The following ZNF646 variants were observed in gnomAD, a reference collection of about 807,000 sequenced individuals.
The protein encoded by ZNF646 is zinc finger protein 646.
Under a neutral mutation model 115.4 loss-of-function variants are expected in ZNF646, and 49 were observed. That is an observed-to-expected ratio of 0.42 (90% CI 0.34 to 0.54). The LOEUF is 0.54. Among genes scored for constraint, ZNF646 ranks in the 20% least tolerant of loss-of-function variants. ZNF646 has a pLI of 0.04. For synonymous variants in ZNF646, 933 were observed against 939.0 expected (o/e 0.99, Z 0.12); for missense variants, 2,269 against 2,457.9 (o/e 0.92, Z 1.62).
At position 31,077,308 on chromosome 16, in the gene ZNF646, A is replaced by G; in HGVS notation, c.984A>G (p.Lys328=). The G allele has an allele frequency of 6.2e-7, 1 of 1,613,712 alleles. No individual in the cohort carries two copies. The highest frequency in any genetic ancestry group is 8.5e-7 in the Non-Finnish European group (1 of 1,179,878). ...GGCAGGAGCCACGCTGGGAGGAGAAAGGGATGCCCACCACCAATGGGCACA... is the reference window on the plus strand; with the variant it reads ...GGCAGGAGCCACGCTGGGAGGAGAAGGGGATGCCCACCACCAATGGGCACA... ...GERQEPRWEE[K]GMPTTNGHTD... is the part of the protein sequence containing the mutation. Residue 328 remains lysine, a synonymous_variant, in exon 2 of 3, where the codon AAA becomes AAG. Coordinates refer to ENST00000300850, the MANE Select transcript of ZNF646 (RefSeq NM_014699.4).
Position 31,080,112 on chromosome 16 carries a change from G to A in ZNF646, c.3788G>A (p.Cys1263Tyr). ...CCCCGACGTTTCCGCTGCAGCGAGTGTGGGAAGGCCTTCCGCCTGCGGAAA... is the reference window on the plus strand; with the variant it reads ...CCCCGACGTTTCCGCTGCAGCGAGTATGGGAAGGCCTTCCGCCTGCGGAAA... ...ADPRRFRCSE[C>Y]GKAFRLRKQL... Residue 1263 changes from cysteine (C) to tyrosine (Y), a missense_variant, in exon 2 of 3, where the codon TGT becomes TAT. Transcript: ENST00000300850. The A allele has an allele frequency of 1.2e-6, 2 of 1,613,152 alleles. No homozygotes were observed. The highest frequency in any genetic ancestry group is 1.1e-5 in the South Asian group (1 of 91,070).
At chr16:31,082,585 G>A in intron 2 of ZNF646, 1 of 246,268 alleles carries the variant, frequency 4.1e-6, no homozygotes, top group East Asian at 1.4e-4. Context: ...GCCAGGGAGT[G>A]GGGCGGCCGG....
chr16:31,076,758 A>C lies in ZNF646; in HGVS notation c.434A>C (p.Glu145Ala), dbSNP rs765212681. ...EGWENQTKHT[E>A]ETPDCESVPD... ...TGGGAAAACCAGACAAAACATACAG[A>C]AGAGACACCTGACTGTGAATCTGTA... Residue 145 changes from glutamate to alanine, a missense_variant, in exon 2 of 3, where the codon GAA becomes GCA. Physicochemically the swap from Glu to Ala is moderately radical, Grantham distance 107. This residue lies in a region of ZNF646 where 334 missense variants were observed against 323.5 expected (regional missense o/e 1.03). Coordinates refer to ENST00000300850, the MANE Select transcript of ZNF646 (RefSeq NM_014699.4). 6.2e-7 allele frequency: 1 copy of C among 1,613,706 alleles called. No individual in the cohort carries two copies. The highest frequency in any genetic ancestry group is 8.5e-7 in the Non-Finnish European group (1 of 1,180,036).
chr16:31,077,542 T>C lies in ZNF646; in HGVS notation c.1218T>C (p.Cys406=). 3 of 1,613,426 alleles carry C rather than the reference T, an allele frequency of 1.9e-6. No individual in the cohort carries two copies. Among genetic ancestry groups the C allele is most frequent in the Non-Finnish European group, 2.5e-6 (3 of 1,179,756 alleles). Residue 406 remains cysteine (C), a synonymous_variant, in exon 2 of 3, where the codon TGT becomes TGC. Coordinates refer to ENST00000300850, the MANE Select transcript of ZNF646 (RefSeq NM_014699.4). The part of the protein sequence containing the change: ...HQTGVYPCSL[C]SKQLFNAAAL... The stretch of plus-strand genomic sequence containing the variant: ...CAGGTGTCTACCCCTGCTCACTCTG[T>C]TCTAAGCAGCTGTTCAATGCGGCTG...
At position 31,083,633 on chromosome 16, in the gene ZNF646, G is replaced by A. The variant is rs2057194341; in HGVS notation, c.*541G>A. On this transcript the variant is annotated 3_prime_UTR_variant, in exon 3 of 3. Coordinates refer to ENST00000300850, the MANE Select transcript of ZNF646 (RefSeq NM_014699.4). ...CCCCTGTCCTGCAGGGTGGGGAGTG[G>A]GCACCTGTGGCCCCAGGCAGGTTCC... 2 of 1,516,314 alleles carry A rather than the reference G, an allele frequency of 1.3e-6. No individual in the cohort carries two copies. The highest frequency in any genetic ancestry group is 1.8e-6 in the Non-Finnish European group (2 of 1,128,164). The allele number at this position is 1,516,314 out of a possible 1,614,324, so 93.9% of individuals were successfully genotyped here.
Position 31,079,000 on chromosome 16 carries a change from G to A in ZNF646, c.2676G>A (p.Gly892=), listed in dbSNP as rs1240339942. Residue 892 remains glycine, a synonymous_variant, in exon 2 of 3, where the codon GGG becomes GGA. Transcript: ENST00000300850. Reference sequence around the variant, plus strand: ...GCCTCTGTGGCATGATCTTCCCTGGGCGGGCTGGCTACAGGCTTCACCGGC... The same window carrying A: ...GCCTCTGTGGCATGATCTTCCCTGGACGGGCTGGCTACAGGCTTCACCGGC... ...LCCLCGMIFP[G]RAGYRLHRRQ... 5 of 1,599,388 alleles carry A rather than the reference G, an allele frequency of 3.1e-6. No homozygotes were observed. Among genetic ancestry groups the A allele is most frequent in the East Asian group, 2.2e-5 (1 of 44,616 alleles).
rs1278626219 is a variant in ZNF646 at position 31,078,204 on chromosome 16, G to A, written c.1880G>A (p.Arg627His). 7 of 1,614,076 alleles carry A rather than the reference G, an allele frequency of 4.3e-6. No individual in the cohort carries two copies. Among genetic ancestry groups the A allele is most frequent in the Non-Finnish European group, 5.9e-6 (7 of 1,180,050 alleles). The change falls in exon 2 of 3, where the codon CGC becomes CAC. Residue 627 changes from arginine to histidine, a missense_variant. Arg to His is a conservative substitution (Grantham distance 29). Transcript: ENST00000300850. Reference sequence around the variant, plus strand: ...TGCCGAGACTGTGGAAAGAGCTATCGCCACTCAGGCAGCCTTATCAACCAC... The same window carrying A: ...TGCCGAGACTGTGGAAAGAGCTATCACCACTCAGGCAGCCTTATCAACCAC... The part of the protein sequence containing the change: ...FACRDCGKSY[R>H]HSGSLINHRQ...
Position 31,077,124 on chromosome 16 carries a change from CCT to C in ZNF646, c.801_802del (p.Ala269HisfsTer8). ...CAGAGCCACACGCTGGGCATCTACCCCTGTGCCATCTGTTTCAAGGAGTTCTC... is the reference window on the plus strand; with the variant it reads ...CAGAGCCACACGCTGGGCATCTACCCGTGCCATCTGTTTCAAGGAGTTCTC... On this transcript the variant is annotated frameshift_variant, in exon 2 of 3. Coordinates refer to ENST00000300850, the MANE Select transcript of ZNF646 (RefSeq NM_014699.4). LOFTEE classifies it high-confidence loss of function. 1 of 1,614,196 alleles carries C rather than the reference CCT, an allele frequency of 6.2e-7. No individual in the cohort carries two copies. Among genetic ancestry groups the C allele is most frequent in the Non-Finnish European group, 8.5e-7 (1 of 1,180,040 alleles).
At chr16:31,081,881 G>A (rs942161053) in intron 2 of ZNF646, 180 bp downstream of exon 2, 52 of 1,079,692 alleles carry the variant, frequency 4.8e-5, no homozygotes, top group Non-Finnish European at 6.1e-5. Flanking sequence ...CTGAGCACCC[G>A]CAAGTCAGGT....
In ZNF646 at chr16:31,078,327, G is replaced by A. The variant is rs764412425; in HGVS notation, c.2003G>A (p.Arg668Gln). Reference protein sequence around the residue: ...AMKNHLRRHSRRRSRRHRKRA... With the variant: ...AMKNHLRRHSQRRSRRHRKRA... The stretch of plus-strand genomic sequence containing the variant: ...AAGAACCACTTGCGCCGGCACAGTC[G>A]GCGGCGGAGCAGGCGGCATCGGAAG... Residue 668 changes from arginine to glutamine, a missense_variant, in exon 2 of 3, where the codon CGG becomes CAG. Transcript: ENST00000300850. 74 of 1,613,496 alleles carry A rather than the reference G, an allele frequency of 4.6e-5. No homozygotes were observed. The highest frequency in any genetic ancestry group is 4.6e-5 in the Non-Finnish European group (54 of 1,179,936).
Position 31,083,067 on chromosome 16 carries a change from C to T in ZNF646, c.5474C>T (p.Pro1825Leu). The T allele has an allele frequency of 6.2e-7, 1 of 1,604,180 alleles. No homozygotes were observed. Among genetic ancestry groups the T allele is most frequent in the Non-Finnish European group, 8.5e-7 (1 of 1,176,276 alleles). Residue 1825 changes from proline to leucine, a missense_variant, in exon 3 of 3, where the codon CCT (proline) becomes CTT (leucine). By Grantham distance (98) the Pro-to-Leu change is moderately conservative (BLOSUM62 -3). This residue lies in a region of ZNF646 where 1,062 missense variants were observed against 1,172.8 expected (regional missense o/e 0.91). Coordinates refer to ENST00000300850, the MANE Select transcript of ZNF646 (RefSeq NM_014699.4). ...TPLLDPSPQW[P>L]ADLSFSL ...CTCCTGGATCCTTCACCCCAGTGGC[C>T]TGCAGACCTCAGCTTCTCCCTCTGA...
In ZNF646 at chr16:31,076,435, C is replaced by T. The variant is rs780174442; in HGVS notation, c.111C>T (p.Asp37=). 4.3e-6 allele frequency: 7 copies of T among 1,614,090 alleles called. No individual in the cohort carries two copies. Among genetic ancestry groups the T allele is most frequent in the East Asian group, 2.2e-5 (1 of 44,872 alleles). The change falls in exon 2 of 3, where the codon GAC becomes GAT. Residue 37 remains aspartate, a synonymous_variant. Transcript: ENST00000300850. ...RELLHPSPNQ[D]SEEADSIPRP... ...TGCTCCATCCATCTCCCAACCAGGA[C>T]AGTGAGGAGGCTGACAGCATCCCTC...
intron 2 of ZNF646, 190 bp from the exon 3 acceptor site, chr16:31,082,781 A>G (rs1357953196): frequency 1.5e-6 from 1 of 659,028 alleles, no homozygotes; most frequent in African/African-American, 1.9e-5. Flanking sequence ...AAGATTTCTC[A>G]TGACCTCAAG....
In ZNF646 at chr16:31,079,147, G is replaced by C; in HGVS notation, c.2823G>C (p.Leu941=). ...PPLQLSEAEL[L]NQLQREVEAL... Reference sequence around the variant, plus strand: ...TGCAGCTCTCGGAAGCAGAGCTGCTGAATCAGCTGCAGCGGGAGGTGGAAG... The same window carrying C: ...TGCAGCTCTCGGAAGCAGAGCTGCTCAATCAGCTGCAGCGGGAGGTGGAAG... The change falls in exon 2 of 3, where the codon CTG becomes CTC. Residue 941 remains leucine (L), a synonymous_variant. Coordinates refer to ENST00000300850, the MANE Select transcript of ZNF646 (RefSeq NM_014699.4). The surrounding 1 kb of genome is among the most constrained non-coding windows in gnomAD (Gnocchi z 5.5). The C allele has an allele frequency of 3.1e-6, 5 of 1,608,832 alleles. No homozygotes were observed. The highest frequency in any genetic ancestry group is 4.2e-6 in the Non-Finnish European group (5 of 1,176,936).
Position 31,080,222 on chromosome 16 carries a change from C to T in ZNF646, c.3898C>T (p.Arg1300Cys), listed in dbSNP as rs369638183. The change falls in exon 2 of 3, where the codon CGC (arginine) becomes TGC (cysteine). Residue 1300 changes from arginine to cysteine, a missense_variant. Around this residue, in one of 5 missense-constraint regions of ZNF646, gnomAD observed 1,062 missense variants for 1,172.8 expected, o/e 0.91. Transcript: ENST00000300850. ...RKATREDRPFRCGQCGRTYRH... is the reference protein window; with the variant it reads ...RKATREDRPFCCGQCGRTYRH... ...GGCGACTCGGGAAGATCGGCCCTTC[C>T]GCTGTGGGCAGTGCGGGCGGACCTA... 10 of 1,609,570 alleles carry T rather than the reference C, an allele frequency of 6.2e-6. No homozygotes were observed. Among genetic ancestry groups the T allele is most frequent in the African/African-American group, 1.3e-5 (1 of 74,548 alleles).
In ZNF646 at chr16:31,076,341, CCTCA is replaced by C; in HGVS notation, c.22_25del (p.Leu8AlafsTer86). ...CGTTGCCCCATGGAGGACACACCCC[CCTCA>C]CTCAGCTGCTCCGACTGTCAGCGCC... On this transcript the variant is annotated frameshift_variant, in exon 2 of 3. Coordinates refer to ENST00000300850, the MANE Select transcript of ZNF646 (RefSeq NM_014699.4). LOFTEE classifies it high-confidence loss of function. The C allele has an allele frequency of 6.2e-7, 1 of 1,611,534 alleles. No homozygotes were observed. Among genetic ancestry groups the C allele is most frequent in the Non-Finnish European group, 8.5e-7 (1 of 1,178,342 alleles).
Position 31,078,155 on chromosome 16 carries a change from A to G in ZNF646, c.1831A>G (p.Met611Val), listed in dbSNP as rs139052697. The G allele has an allele frequency of 3.6e-4, 589 of 1,614,038 alleles. 1 individual carries two copies. The African/African-American group carries it at 6.8e-3, about 19-fold the overall frequency. ...GGAAAATAGCAGAACAGAGACCACA[A>G]TGTCACCTCCTAGGGCCTTTGCCTG... ...EKENSRTETTMSPPRAFACRD... is the reference protein window; with the variant it reads ...EKENSRTETTVSPPRAFACRD... Residue 611 changes from methionine to valine, a missense_variant, in exon 2 of 3, where the codon ATG (methionine) becomes GTG (valine). Physicochemically the swap from Met to Val is conservative, Grantham distance 21. Transcript: ENST00000300850.
Position 31,083,674 on chromosome 16 carries a change from G to C in ZNF646, c.*582G>C. 1 of 1,582,022 alleles carries C rather than the reference G, an allele frequency of 6.3e-7. No homozygotes were observed. The highest frequency in any genetic ancestry group is 8.6e-7 in the Non-Finnish European group (1 of 1,164,680). ...GGCAGGTTCCTTCCCACAGCTGCTG[G>C]GCTTCTGGGCCTGCCCTGGTGCCTG... is the stretch of plus-strand genomic sequence containing the variant. On this transcript the variant is annotated 3_prime_UTR_variant, in exon 3 of 3. Coordinates refer to ENST00000300850, the MANE Select transcript of ZNF646 (RefSeq NM_014699.4).
rs912243087 is a variant in ZNF646, at chr16:31,083,352, G to A, written c.*260G>A. The A allele has an allele frequency of 8.0e-6, 8 of 998,676 alleles. No homozygotes were observed. The highest frequency in any genetic ancestry group is 1.1e-5 in the Non-Finnish European group (8 of 722,744). The allele number at this position is 998,676 out of a possible 1,614,324, so 61.9% of individuals were successfully genotyped here. On this transcript the variant is annotated 3_prime_UTR_variant, in exon 3 of 3. Coordinates refer to ENST00000300850, the MANE Select transcript of ZNF646 (RefSeq NM_014699.4). ...TCAGCAGCCAGATTGCAACACCAGG[G>A]AGAGGCGGATGCAGAGCCCCACCGG...
Sources: allele counts gnomAD v4.1 joint callset, GRCh38; gene constraint gnomAD v4.1.1; regional missense constraint gnomAD v4.1.1; non-coding constraint Gnocchi (gnomAD v3.1); transcripts MANE v1.5; gene names NCBI Gene and HGNC (gene_info 2026-07-23, HGNC 2026-07-21).